The following VSX2 variants were observed in gnomAD, a reference collection of about 807,000 sequenced individuals.
VSX2 encodes ceh-10 homeo domain containing homolog.
A neutral mutation model predicts 32.1 loss-of-function variants in VSX2; 28 were observed. The observed-to-expected ratio is 0.87, with a 90% confidence interval of 0.65 to 1.20. The LOEUF (loss-of-function observed/expected upper bound fraction) is 1.20, where lower values mean the gene tolerates loss of function less well. VSX2 is among the 50% of genes most tolerant of loss of function. VSX2 has a pLI of 0.00. For missense variants in VSX2, 506 were observed against 488.7 expected (o/e 1.04, Z -0.33); for synonymous variants, 243 against 214.1 (o/e 1.14, Z -1.18).
At chr14:74,247,305 A>C (rs117288158) in intron 3 of VSX2, among the ~76,000 whole-genome samples, 2,553 of 152,292 alleles carry the variant, frequency 0.017, 79 homozygotes, top group Admixed American at 0.085. Context: ...CAGGACAGGC[A>C]GGGTGGTACC....
rs2079311366 is a variant in VSX2, at chr14:74,262,017, GA to G, written c.*1101del. 1 of 151,836 alleles carries G rather than the reference GA, an allele frequency of 6.6e-6. No individual in the cohort carries two copies. The highest frequency in any genetic ancestry group is 1.5e-5 in the Non-Finnish European group (1 of 68,190). The allele number at this position is 151,836 out of a possible 1,614,324, so 9.4% of individuals were successfully genotyped here. On this transcript the variant is annotated 3_prime_UTR_variant, in exon 5 of 5. Transcript: ENST00000261980. The stretch of plus-strand genomic sequence containing the variant: ...GCATACGCATTAAGGGCCTGCTGGA[GA>G]AACCTTCACTCCAGACAGACAGGGG...
rs537753574 is a variant in VSX2 at position 74,254,784 on chromosome 14, A to ATTTTTTTTTT, written c.580-4814_580-4805dup. Among the ~76,000 whole-genome samples the ATTTTTTTTTT allele has an allele frequency of 9.3e-4, 109 of 116,638 alleles. 31 individuals carry two copies. The East Asian group carries it at 0.032, about 34-fold the overall frequency. 76.5% of individuals were successfully genotyped at this position (116,638 alleles called of 152,430 possible). A position where few individuals can be genotyped will look rare whatever the true frequency, so the allele number is the denominator to read the frequency against. On this transcript the variant is annotated intron_variant, in intron 3 of 4. Transcript: ENST00000261980. ...ATCCTCCAAAAACCCCGAAAAGTGG[A>ATTTTTTTTTT]TTTTTTTTTTTTTGAGACGCAGTCT...
At chr14:74,241,376 C>A (rs1248950367) in intron 2 of VSX2, 110 bp downstream of exon 2, 1 of 1,228,814 alleles carries the variant, frequency 8.1e-7, no homozygotes, top group Non-Finnish European at 1.2e-6. Flanking sequence ...GATCTGAGGT[C>A]CGAGGCCGTG....
At position 74,244,953 on chromosome 14, in the gene VSX2, T is replaced by A. The variant is rs1194724536; in HGVS notation, c.456-212T>A. ...GTGAAAGAGAGAGAGAAAGTGTGTGTGTGTGTGTGTGTGTGTGTGTGTGTG... is the reference window on the plus strand; with the variant it reads ...GTGAAAGAGAGAGAGAAAGTGTGTGAGTGTGTGTGTGTGTGTGTGTGTGTG... On this transcript the variant is annotated intron_variant, in intron 2 of 4. Transcript: ENST00000261980. Among the ~76,000 whole-genome samples, 896 of 48,138 alleles carry A rather than the reference T, an allele frequency of 0.019. 16 individuals carry two copies. Among genetic ancestry groups the A allele is most frequent in the African/African-American group, 0.04 (434 of 10,978 alleles). The allele number at this position is 48,138 out of a possible 152,430, so 31.6% of individuals were successfully genotyped here. A position where few individuals can be genotyped will look rare whatever the true frequency, so the allele number is the denominator to read the frequency against.
intron 3 of VSX2, among the ~76,000 whole-genome samples, chr14:74,251,788 A>G (rs1201163574): frequency 6.6e-6 from 1 of 151,062 alleles, no homozygotes; most frequent in Admixed American, 6.6e-5. Context: ...AGCGCGCTGC[A>G]ATAAACCGCG....
At chr14:74,253,962 A>G (rs2079245759) in intron 3 of VSX2, among the ~76,000 whole-genome samples, 1 of 152,074 alleles carries the variant, frequency 6.6e-6, no homozygotes, top group Non-Finnish European at 1.5e-5. Flanking sequence ...AAAGAAAAAG[A>G]AATGCACTCA....
intron 2 of VSX2, among the ~76,000 whole-genome samples, chr14:74,243,860 G>C (rs148327800): frequency 7.2e-4 from 109 of 152,192 alleles, no homozygotes; most frequent in African/African-American, 2.6e-3. Context: ...TTTGGGTTGT[G>C]TTAGACGAGG....
intron 3 of VSX2, among the ~76,000 whole-genome samples, chr14:74,253,935 A>G (rs1319509800): frequency 1.3e-5 from 2 of 152,094 alleles, no homozygotes; most frequent in African/African-American, 4.8e-5. Flanking sequence ...CGTCAAAAAA[A>G]GAAAGTAAAG....
chr14:74,260,610 G>C lies in VSX2; in HGVS notation c.777G>C (p.Ser259=), dbSNP rs371707151. ...APWLLGMHKK[S]LEAAAESGRK... ...TCTTTCTAGGGATGCACAAAAAGTC[G>C]CTGGAGGCAGCAGCCGAGTCGGGGA... is the stretch of plus-strand genomic sequence containing the variant. The change falls in exon 5 of 5, where the codon TCG becomes TCC. Residue 259 remains serine, a synonymous_variant. Coordinates refer to ENST00000261980, the MANE Select transcript of VSX2 (RefSeq NM_182894.3). The C allele has an allele frequency of 6.2e-7, 1 of 1,603,544 alleles. No homozygotes were observed. Among genetic ancestry groups the C allele is most frequent in the South Asian group, 1.1e-5 (1 of 88,742 alleles).
intron 3 of VSX2, among the ~76,000 whole-genome samples, chr14:74,255,908 G>A (rs1042859993): frequency 6.6e-6 from 1 of 152,168 alleles, no homozygotes; most frequent in Non-Finnish European, 1.5e-5. Flanking sequence ...TTTATTTATC[G>A]TTTTTAGTGT....
chr14:74,242,747 A>C (rs761931168), intron 2 of VSX2, among the ~76,000 whole-genome samples: 3 of 151,814 alleles, frequency 2.0e-5, no homozygotes, highest in Non-Finnish European at 4.4e-5. Flanking sequence ...GGGACCTTGC[A>C]GGGAGGGCAG....
chr14:74,248,596 T>A (rs1484317231), intron 3 of VSX2, among the ~76,000 whole-genome samples: 2 of 151,482 alleles, frequency 1.3e-5, no homozygotes, highest in Non-Finnish European at 2.9e-5. Flanking sequence ...GAAGCTGAGA[T>A]GGGAGGACCA....
At chr14:74,244,932 A>AG (rs1594754417) in intron 2 of VSX2, among the ~76,000 whole-genome samples, 18 of 35,558 alleles carry the variant, frequency 5.1e-4, no homozygotes, top group East Asian at 1.1e-3. Context: ...GTGTGTGTGA[A>AG]AGAGAGAGAG....
chr14:74,259,643 G>A lies in VSX2; in HGVS notation c.621G>A (p.Glu207=). 1 of 1,614,218 alleles carries A rather than the reference G, an allele frequency of 6.2e-7. No individual in the cohort carries two copies. ...GTCGAGCCAAGTGGAGGAAGCGGGA[G>A]AAGTGCTGGGGCCGGAGCAGTGTCA... ...QNRRAKWRKR[E]KCWGRSSVMA... Residue 207 remains glutamate, a synonymous_variant, in exon 4 of 5, where the codon GAG becomes GAA. Coordinates refer to ENST00000261980, the MANE Select transcript of VSX2 (RefSeq NM_182894.3).
chr14:74,260,802 T>C lies in VSX2; in HGVS notation c.969T>C (p.Thr323=). ...AQEHSTKVLG[T]VSGPDSLARS... is the part of the protein sequence containing the mutation. ...AGCACAGCACCAAAGTGCTGGGGAC[T>C]GTGTCTGGGCCGGACAGCCTGGCCC... Residue 323 remains threonine (T), a synonymous_variant, in exon 5 of 5, where the codon ACT becomes ACC. Coordinates refer to ENST00000261980, the MANE Select transcript of VSX2 (RefSeq NM_182894.3). The C allele has an allele frequency of 6.4e-7, 1 of 1,572,834 alleles. No homozygotes were observed. Among genetic ancestry groups the C allele is most frequent in the Non-Finnish European group, 8.6e-7 (1 of 1,159,230 alleles).
At chr14:74,248,422 C>T (rs1172257005) in intron 3 of VSX2, among the ~76,000 whole-genome samples, 2 of 150,746 alleles carry the variant, frequency 1.3e-5, no homozygotes, top group Admixed American at 6.6e-5. Context: ...TGCAGGGGCT[C>T]ATGCCGGTAA....
At chr14:74,250,805 C>T (rs960134730) in intron 3 of VSX2, among the ~76,000 whole-genome samples, 52 of 151,660 alleles carry the variant, frequency 3.4e-4, no homozygotes, top group African/African-American at 1.2e-3. Flanking sequence ...CGCACCACCA[C>T]GACTGGCTAA....
In VSX2 at chr14:74,245,318, C is replaced by T. The variant is rs201119252; in HGVS notation, c.579+30C>T. On this transcript the variant is annotated intron_variant, in intron 3 of 4. Transcript: ENST00000261980. ...CAGCCCTGAGCCCCTCTCCCCTCCA[C>T]TCTCCCCTCTCTCGGTGACATCTAC... 659 of 1,612,450 alleles carry T rather than the reference C, an allele frequency of 4.1e-4. 3 individuals are homozygous for T. The highest frequency in any genetic ancestry group is 1.1e-4 in the Non-Finnish European group (124 of 1,179,484).
intron 3 of VSX2, among the ~76,000 whole-genome samples, chr14:74,253,241 G>T (rs554885804): frequency 6.6e-6 from 1 of 152,162 alleles, no homozygotes; most frequent in Non-Finnish European, 1.5e-5. Context: ...TTGACGCAGG[G>T]TCTTCTGAAG....
Sources: allele counts gnomAD v4.1 joint callset (sites outside exome capture counted in the v4.1 genomes callset), GRCh38; gene constraint gnomAD v4.1.1; transcripts MANE v1.5; gene names NCBI Gene and HGNC (gene_info 2026-07-23, HGNC 2026-07-21).